ZDBF2: variants seen among roughly 807,000 people sequenced by gnomAD.
ZDBF2 encodes the protein DBF4-type zinc finger-containing protein 2.
In ZDBF2, 6 loss-of-function variants were observed where a neutral mutation model predicts 9.4. The ratio of observed to expected loss-of-function variants is 0.64; its 90% confidence interval spans 0.35 to 1.27. The LOEUF (loss-of-function observed/expected upper bound fraction) is 1.27. Among genes scored for constraint, ZDBF2 ranks in the 50% most tolerant of loss-of-function variants. The pLI is 0.03. For synonymous variants in ZDBF2, 905 were observed against 946.3 expected, an observed-to-expected ratio of 0.96 and a Z score of 0.80; for missense variants, 2,697 against 2,766.8, an observed-to-expected ratio of 0.97 and a Z score of 0.57.
rs1261180753 is a variant in ZDBF2 at position 206,304,728 on chromosome 2, A to G, written c.200A>G (p.Asp67Gly). 7 of 1,608,066 alleles carry G rather than the reference A, an allele frequency of 4.4e-6. No homozygotes were observed. The highest frequency in any genetic ancestry group is 4.2e-6 in the Non-Finnish European group (5 of 1,177,436). The change falls in exon 5 of 5, where the codon GAT (aspartate) becomes GGT (glycine). Residue 67 changes from aspartate to glycine, a missense_variant. Physicochemically the swap from Asp to Gly is moderately conservative, Grantham distance 94. This residue lies in a region of ZDBF2 where 910 missense variants were observed against 973.6 expected (regional missense o/e 0.93). Coordinates refer to ENST00000374423, the MANE Select transcript of ZDBF2 (RefSeq NM_020923.3). ...CCCTTTCGTTTTAGTTCAACACAAG[A>G]TGAGACACATGTGAATACTGGGTCA... ...YHCQESSSTQ[D>G]ETHVNTGSSS...
chr2:206,306,831 A>G lies in ZDBF2; in HGVS notation c.2303A>G (p.Asp768Gly). Reference sequence around the variant, plus strand: ...TCAGTTACTGAGCAGTCTCATCTGGATGCTGAAGGAAAAGAACGGCACATT... The same window carrying G: ...TCAGTTACTGAGCAGTCTCATCTGGGTGCTGAAGGAAAAGAACGGCACATT... ...LLSVTEQSHL[D>G]AEGKERHIDL... is the part of the protein sequence containing the mutation. Residue 768 changes from aspartate (D) to glycine (G), a missense_variant, in exon 5 of 5, where the codon GAT (aspartate) becomes GGT (glycine). Physicochemically the swap from Asp to Gly is moderately conservative, Grantham distance 94. Coordinates refer to ENST00000374423, the MANE Select transcript of ZDBF2 (RefSeq NM_020923.3). 2 of 1,613,900 alleles carry G rather than the reference A, an allele frequency of 1.2e-6. No individual in the cohort carries two copies. Among genetic ancestry groups the G allele is most frequent in the East Asian group, 2.2e-5 (1 of 44,886 alleles).
At chr2:206,302,948 G>C (rs969510460) in intron 4 of ZDBF2, among the ~76,000 whole-genome samples, 2 of 152,000 alleles carry the variant, frequency 1.3e-5, no homozygotes, top group African/African-American at 4.8e-5. Context: ...TAGATTAATG[G>C]AAACAATGAG....
rs1470903347 is a variant in ZDBF2 at position 206,281,874 on chromosome 2, A to G, written c.25A>G (p.Ser9Gly). 1 of 1,613,484 alleles carries G rather than the reference A, an allele frequency of 6.2e-7. No individual in the cohort carries two copies. Among genetic ancestry groups the G allele is most frequent in the East Asian group, 2.2e-5 (1 of 44,810 alleles). MQKRQGYC[S>G]YCRVQYNNLE... is the part of the protein sequence containing the mutation. ...GATGCAGAAAAGACAAGGATATTGC[A>G]GTTATTGCCGTGTGCAGTATAATAA... The change falls in exon 3 of 5, where the codon AGT (serine) becomes GGT (glycine). Residue 9 changes from serine (S) to glycine (G), a missense_variant. Transcript: ENST00000374423.
rs1480774626 is a variant in ZDBF2 at position 206,307,273 on chromosome 2, A to G, written c.2745A>G (p.Glu915=). The G allele has an allele frequency of 6.2e-7, 1 of 1,607,860 alleles. No individual in the cohort carries two copies. Among genetic ancestry groups the G allele is most frequent in the South Asian group, 1.1e-5 (1 of 89,306 alleles). The part of the protein sequence containing the change: ...ENKENEPIDS[E]VSLDYNIIFH... ...AGGAAAATGAACCTATTGATTCTGAAGTAAGTTTGGATTATAATATCATTT... is the reference window on the plus strand; with the variant it reads ...AGGAAAATGAACCTATTGATTCTGAGGTAAGTTTGGATTATAATATCATTT... Residue 915 remains glutamate (E), a synonymous_variant, in exon 5 of 5, where the codon GAA becomes GAG. Coordinates refer to ENST00000374423, the MANE Select transcript of ZDBF2 (RefSeq NM_020923.3).
chr2:206,311,557 G>GC lies in ZDBF2; in HGVS notation c.7030dup (p.Leu2344ProfsTer8). ...AACAACGTGAGAGAATGATGACTCG[G>GC]CTAGCAAACAAACTGAGAGGTAATG... On this transcript the variant is annotated frameshift_variant, in exon 5 of 5. Coordinates refer to ENST00000374423, the MANE Select transcript of ZDBF2 (RefSeq NM_020923.3). LOFTEE classifies it low-confidence loss of function (END_TRUNC). The GC allele has an allele frequency of 6.6e-7, 1 of 1,526,184 alleles. No homozygotes were observed. The highest frequency in any genetic ancestry group is 8.8e-7 in the Non-Finnish European group (1 of 1,138,766). The allele number at this position is 1,526,184 out of a possible 1,614,324, so 94.5% of individuals were successfully genotyped here.
rs367590586 is a variant in ZDBF2 at position 206,305,798 on chromosome 2, A to C, written c.1270A>C (p.Ser424Arg). The C allele has an allele frequency of 1.8e-4, 288 of 1,613,730 alleles. No individual in the cohort carries two copies. Among genetic ancestry groups the C allele is most frequent in the Non-Finnish European group, 2.3e-4 (270 of 1,179,810 alleles). ...FHSLTDQSKV[S>R]AKEVNLSKEV... is the part of the protein sequence containing the mutation. ...TTCACTGACTGACCAATCTAAAGTGAGTGCCAAAGAAGTAAACCTTTCCAA... is the reference window on the plus strand; with the variant it reads ...TTCACTGACTGACCAATCTAAAGTGCGTGCCAAAGAAGTAAACCTTTCCAA... The change falls in exon 5 of 5, where the codon AGT (serine) becomes CGT (arginine). Residue 424 changes from serine (S) to arginine (R), a missense_variant. This residue lies in a region of ZDBF2 where 910 missense variants were observed against 973.6 expected (regional missense o/e 0.93). Coordinates refer to ENST00000374423, the MANE Select transcript of ZDBF2 (RefSeq NM_020923.3).
intron 3 of ZDBF2, among the ~76,000 whole-genome samples, chr2:206,293,554 T>C (rs1692008851): frequency 6.6e-6 from 1 of 152,172 alleles, no homozygotes; most frequent in Non-Finnish European, 1.5e-5. Flanking sequence ...ACTGGTGTCC[T>C]GAATAGGGAA....
At position 206,306,968 on chromosome 2, in the gene ZDBF2, A is replaced by G; in HGVS notation, c.2440A>G (p.Thr814Ala). ...TGAAGTAGCTGTTTATGAGGAAGAA[A>G]CTGTTGATCTGGAAAGTAAAAGTAA... is the stretch of plus-strand genomic sequence containing the variant. Reference protein sequence around the residue: ...QPEVAVYEEETVDLESKSNES... With the variant: ...QPEVAVYEEEAVDLESKSNES... The change falls in exon 5 of 5, where the codon ACT becomes GCT. Residue 814 changes from threonine (T) to alanine (A), a missense_variant. Coordinates refer to ENST00000374423, the MANE Select transcript of ZDBF2 (RefSeq NM_020923.3). 6.2e-7 allele frequency: 1 copy of G among 1,613,680 alleles called. No individual in the cohort carries two copies. The highest frequency in any genetic ancestry group is 8.5e-7 in the Non-Finnish European group (1 of 1,179,748).
At position 206,309,713 on chromosome 2, in the gene ZDBF2, C is replaced by T. The variant is rs531064136; in HGVS notation, c.5185C>T (p.Arg1729Cys). 157 of 1,613,646 alleles carry T rather than the reference C, an allele frequency of 9.7e-5. No individual in the cohort carries two copies. The highest frequency in any genetic ancestry group is 4.2e-4 in the East Asian group (19 of 44,860). Residue 1729 changes from arginine to cysteine, a missense_variant, in exon 5 of 5, where the codon CGT (arginine) becomes TGT (cysteine). By Grantham distance (180) the Arg-to-Cys change is radical. This residue lies in a region of ZDBF2 where 1,783 missense variants were observed against 1,776.5 expected (regional missense o/e 1.00). Coordinates refer to ENST00000374423, the MANE Select transcript of ZDBF2 (RefSeq NM_020923.3). ...ALHRRADKKK[R>C]SKLKHRDLEV... ...CCATCGAAGGGCTGATAAAAAAAAA[C>T]GTTCGAAGCTAAAACATAGAGATCT...
chr2:206,290,053 C>T (rs1312669815), intron 3 of ZDBF2, among the ~76,000 whole-genome samples: 1 of 152,120 alleles, frequency 6.6e-6, no homozygotes, highest in Non-Finnish European at 1.5e-5. Flanking sequence ...CATCTTTTTC[C>T]AAGTTTATTC....
chr2:206,308,145 C>A lies in ZDBF2; in HGVS notation c.3617C>A (p.Pro1206His). 6.2e-7 allele frequency: 1 copy of A among 1,613,924 alleles called. No individual in the cohort carries two copies. Among genetic ancestry groups the A allele is most frequent in the South Asian group, 1.1e-5 (1 of 91,078 alleles). ...GSEVSFDSDD[P>H]LQSVADRLRE... ...GAAGTAAGTTTTGATTCTGATGACC[C>A]TCTTCAGTCAGTGGCTGACCGGCTG... Residue 1206 changes from proline to histidine, a missense_variant, in exon 5 of 5, where the codon CCT becomes CAT. Pro to His is a moderately conservative substitution (Grantham distance 77). Transcript: ENST00000374423.
rs759374473 is a variant in ZDBF2 at position 206,311,599 on chromosome 2, G to T, written c.*6G>T. 2 of 1,475,250 alleles carry T rather than the reference G, an allele frequency of 1.4e-6. No homozygotes were observed. The highest frequency in any genetic ancestry group is 1.6e-5 in the South Asian group (1 of 63,782). 91.4% of individuals were successfully genotyped at this position (1,475,250 alleles called of 1,614,324 possible). A position where few individuals can be genotyped will look rare whatever the true frequency, so the allele number is the denominator to read the frequency against. ...GAGGTAATGAGGTAAAATAGAAGTT[G>T]GTTTTGTGTTCAGGCTAGTTGAGGA... On this transcript the variant is annotated 3_prime_UTR_variant, in exon 5 of 5. Coordinates refer to ENST00000374423, the MANE Select transcript of ZDBF2 (RefSeq NM_020923.3).
chr2:206,276,397 T>C (rs749729838), intron 1 of ZDBF2, among the ~76,000 whole-genome samples: 5 of 152,224 alleles, frequency 3.3e-5, no homozygotes, highest in Non-Finnish European at 7.3e-5. Flanking sequence ...TAAATAATCT[T>C]GAGAGTCGCT....
At chr2:206,301,638 T>C (rs1692505531) in intron 4 of ZDBF2, among the ~76,000 whole-genome samples, 1 of 152,184 alleles carries the variant, frequency 6.6e-6, no homozygotes, top group Non-Finnish European at 1.5e-5. Context: ...ATTATGTATG[T>C]ATAAACTTTC....
Position 206,306,596 on chromosome 2 carries a change from G to A in ZDBF2, c.2068G>A (p.Val690Met). ...SQVAEIERQKVDVDLENKSVQ... is the reference protein window; with the variant it reads ...SQVAEIERQKMDVDLENKSVQ... ...AGTAGCCGAAATAGAGCGTCAGAAA[G>A]TGGATGTTGACCTTGAGAATAAGAG... Residue 690 changes from valine (V) to methionine (M), a missense_variant, in exon 5 of 5, where the codon GTG becomes ATG. Physicochemically the swap from Val to Met is conservative, Grantham distance 21. Transcript: ENST00000374423. 1 of 1,613,692 alleles carries A rather than the reference G, an allele frequency of 6.2e-7. No homozygotes were observed. The highest frequency in any genetic ancestry group is 2.2e-5 in the East Asian group (1 of 44,884).
At chr2:206,275,014 G>T (rs1283390062) in intron 1 of ZDBF2, 68 bp downstream of exon 1, 1 of 150,102 alleles carries the variant, frequency 6.7e-6, no homozygotes, top group Non-Finnish European at 1.5e-5. Flanking sequence ...CTCGCCGGGC[G>T]CCCGGGGCGC....
intron 3 of ZDBF2, among the ~76,000 whole-genome samples, chr2:206,282,748 T>C (rs768989560): frequency 2.0e-4 from 30 of 152,286 alleles, no homozygotes; most frequent in Non-Finnish European, 3.7e-4. Flanking sequence ...ACTTGACCCT[T>C]TAAGGTGTAT....
intron 4 of ZDBF2, among the ~76,000 whole-genome samples, chr2:206,300,575 G>A (rs1559144807): frequency 1.3e-5 from 2 of 152,176 alleles, no homozygotes; most frequent in Admixed American, 6.5e-5. Flanking sequence ...CATTTTGGGT[G>A]ATGTTAGCTT....
At chr2:206,280,150 C>T (rs1691239061) in intron 2 of ZDBF2, among the ~76,000 whole-genome samples, 1 of 152,152 alleles carries the variant, frequency 6.6e-6, no homozygotes, top group African/African-American at 2.4e-5. Context: ...TCCTGGGTTC[C>T]CTTGACCACT....
Sources: allele counts gnomAD v4.1 joint callset (sites outside exome capture counted in the v4.1 genomes callset), GRCh38; gene constraint gnomAD v4.1.1; regional missense constraint gnomAD v4.1.1; transcripts MANE v1.5; gene names NCBI Gene and HGNC (gene_info 2026-07-23, HGNC 2026-07-21).